The following RBFOX3 variants were observed in gnomAD, a reference collection of about 807,000 sequenced individuals.
RBFOX3 encodes the protein RNA binding fox-1 homolog 3, also known as RNA binding protein fox-1 homolog 3.
In RBFOX3, 17 loss-of-function variants were observed where a neutral mutation model predicts 48.7. The ratio of observed to expected loss-of-function variants is 0.35; its 90% CI spans 0.24 to 0.52. The LOEUF is 0.52. Ranked by LOEUF, RBFOX3 falls within the 20% of genes least tolerant of loss-of-function variation. The pLI is 0.94. For synonymous variants in RBFOX3, 212 were observed against 209.5 expected (o/e 1.01, Z -0.10); for missense variants, 382 against 497.5 (o/e 0.77, Z 2.21).
At chr17:79,586,189 C>T (rs1043398576) in intron 1 of RBFOX3, among the ~76,000 whole-genome samples, 16 of 152,220 alleles carry the variant, frequency 1.1e-4, no homozygotes, top group Non-Finnish European at 1.6e-4. Context: ...GTCCTAGACA[C>T]GAGGGTGCCC....
chr17:79,555,816 G>GGC (rs2091705701), intron 1 of RBFOX3, among the ~76,000 whole-genome samples: 3 of 3,798 alleles, frequency 7.9e-4, no homozygotes, highest in Non-Finnish European at 3.8e-3. Flanking sequence ...TGATGGTGAC[G>GGC]ATGATGATAG....
rs2071123300 is a variant in RBFOX3, at chr17:79,442,237, GAGAGAGAGAGAGAGAGAGAGA to G, written c.-175+40196_-175+40216del. 2.0e-3 allele frequency among the ~76,000 whole-genome samples: 15 copies of G among 7,412 alleles called. 1 individual carries two copies. Among genetic ancestry groups the G allele is most frequent in the African/African-American group, 3.6e-3 (6 of 1,668 alleles). The allele number at this position is 7,412 out of a possible 152,430, so 4.9% of individuals were successfully genotyped here. On this transcript the variant is annotated intron_variant, in intron 2 of 14. Transcript: ENST00000693108. ...GGGGAGAGAGAGAGAGAGAGAGAGA[GAGAGAGAGAGAGAGAGAGAGA>G]GAGAGAGAGAGAGAGAGAGAGAGGG...
chr17:79,190,300 A>G (rs2146438091), intron 4 of RBFOX3, among the ~76,000 whole-genome samples: 1 of 151,840 alleles, frequency 6.6e-6, no homozygotes, highest in South Asian at 2.1e-4. Context: ...AATCCTAGCT[A>G]CTCGGGAGGC....
At chr17:79,296,791 CCCT>C (rs1292492276) in intron 3 of RBFOX3, among the ~76,000 whole-genome samples, 10 of 119,210 alleles carry the variant, frequency 8.4e-5, no homozygotes, top group Non-Finnish European at 1.7e-4. Flanking sequence ...CTCCTCCTCT[CCCT>C]CCTCTTTTCC....
At chr17:79,296,307 A>C (rs1259076638) in intron 3 of RBFOX3, among the ~76,000 whole-genome samples, 34 of 81,106 alleles carry the variant, frequency 4.2e-4, no homozygotes, top group African/African-American at 1.5e-3. Flanking sequence ...CACACACACC[A>C]CACACACACA....
At chr17:79,627,672 G>A in the RBFOX3 span, among the ~76,000 whole-genome samples, 3 of 152,200 alleles carry the variant, frequency 2.0e-5, no homozygotes, top group Admixed American at 6.5e-5. Flanking sequence ...AGGGAGCAGC[G>A]GCGTAGGTGG....
chr17:79,383,168 A>G (rs2060148960), intron 2 of RBFOX3, among the ~76,000 whole-genome samples: 1 of 152,158 alleles, frequency 6.6e-6, no homozygotes. Flanking sequence ...AGAGGATGGG[A>G]AAAGGGGTGT....
rs1184995384 is a variant in RBFOX3, at chr17:79,421,988, G to A, written c.-175+60466C>T. On this transcript the variant is annotated intron_variant, in intron 2 of 14. Coordinates refer to ENST00000693108, the MANE Select transcript of RBFOX3 (RefSeq NM_001350451.2). The surrounding 1 kb of genome is among the most constrained non-coding windows in gnomAD (Gnocchi z 4.5). ...AGGTGCTGCCCGGACGAGATGAGGA[G>A]GGGGACTTGCCGGCTGCTGGCTTCC... Among the ~76,000 whole-genome samples, 3 of 152,138 alleles carry A rather than the reference G, an allele frequency of 2.0e-5. No individual in the cohort carries two copies. Among genetic ancestry groups the A allele is most frequent in the Admixed American group, 6.5e-5 (1 of 15,280 alleles).
At position 79,249,766 on chromosome 17, in the gene RBFOX3, C is replaced by A. The variant is rs1380870500; in HGVS notation, c.-73-13961G>T. Among the ~76,000 whole-genome samples, 1 of 152,174 alleles carries A rather than the reference C, an allele frequency of 6.6e-6. No individual in the cohort carries two copies. The highest frequency in any genetic ancestry group is 1.5e-5 in the Non-Finnish European group (1 of 68,040). On this transcript the variant is annotated intron_variant, in intron 3 of 14. Coordinates refer to ENST00000693108, the MANE Select transcript of RBFOX3 (RefSeq NM_001350451.2). The surrounding 1 kb of genome is among the most constrained non-coding windows in gnomAD (Gnocchi z 4.1). ...CCATTCCCTCTGCCTCCCGACCAAA[C>A]CTGGTACCTCCCTGTGTGTCCCTGA...
chr17:79,146,292 A>G (rs2043024087), intron 4 of RBFOX3, among the ~76,000 whole-genome samples: 1 of 152,152 alleles, frequency 6.6e-6, no homozygotes, highest in Admixed American at 6.5e-5. Flanking sequence ...TCCACCTCCT[A>G]CAGACGCCCA....
At chr17:79,165,007 A>C (rs909020665) in intron 4 of RBFOX3, among the ~76,000 whole-genome samples, 2 of 152,178 alleles carry the variant, frequency 1.3e-5, no homozygotes, top group East Asian at 3.9e-4. Context: ...CCACACGCTC[A>C]TCTTTCTAGA....
chr17:79,586,272 A>G (rs2093247227), intron 1 of RBFOX3, among the ~76,000 whole-genome samples: 1 of 152,172 alleles, frequency 6.6e-6, no homozygotes, highest in Non-Finnish European at 1.5e-5. Flanking sequence ...CGGACGTGTG[A>G]GCAAGCCTGA....
chr17:79,202,702 A>G (rs1034181725), intron 4 of RBFOX3, among the ~76,000 whole-genome samples: 29 of 152,106 alleles, frequency 1.9e-4, no homozygotes, highest in African/African-American at 6.8e-4. Context: ...GTCAGAGCGC[A>G]CAGCTGTGAT....
chr17:79,593,897 C>T (rs9675063), intron 1 of RBFOX3, among the ~76,000 whole-genome samples: 31,146 of 151,962 alleles, frequency 0.2, 3,651 homozygotes, highest in East Asian at 0.34. Context: ...AACCAAAACC[C>T]GCTGGCACTT....
chr17:79,318,854 C>CAAAAAAAAGAAAAAAAA lies in RBFOX3; in HGVS notation c.-174-11031_-174-11030insTTTTTTTTCTTTTTTTT. Among the ~76,000 whole-genome samples the CAAAAAAAAGAAAAAAAA allele has an allele frequency of 6.1e-5, 2 of 32,524 alleles. 1 individual carries two copies. The highest frequency in any genetic ancestry group is 1.0e-4 in the Non-Finnish European group (2 of 19,776). The allele number at this position is 32,524 out of a possible 152,430, so 21.3% of individuals were successfully genotyped here. On this transcript the variant is annotated intron_variant, in intron 2 of 14. Coordinates refer to ENST00000693108, the MANE Select transcript of RBFOX3 (RefSeq NM_001350451.2). ...TGGGTGACAGAGCGAGACTCCATCT[C>CAAAAAAAAGAAAAAAAA]AAAAAAAAAAAAAAAAAAAAAAAAA...
chr17:79,589,252 G>A (rs2093349424), intron 1 of RBFOX3, among the ~76,000 whole-genome samples: 3 of 152,064 alleles, frequency 2.0e-5, no homozygotes, highest in Admixed American at 6.5e-5. Context: ...TGTGGACTCC[G>A]CAGGTGGGCT....
intron 1 of RBFOX3, among the ~76,000 whole-genome samples, chr17:79,553,421 C>T (rs941538929): frequency 2.0e-4 from 31 of 152,080 alleles, no homozygotes; most frequent in Non-Finnish European, 1.3e-4. Flanking sequence ...TGAGACTGGC[C>T]TGTAGTTTTA....
chr17:79,485,249 G>T (rs898183060), intron 1 of RBFOX3, among the ~76,000 whole-genome samples: 1 of 152,110 alleles, frequency 6.6e-6, no homozygotes, highest in African/African-American at 2.4e-5. Flanking sequence ...CAGGGGAGGC[G>T]CCCACAGGAA....
intron 2 of RBFOX3, among the ~76,000 whole-genome samples, chr17:79,472,875 A>C (rs1043383273): frequency 1.3e-5 from 2 of 152,136 alleles, no homozygotes; most frequent in Non-Finnish European, 2.9e-5. Context: ...TCATTGGTTT[A>C]TTTCCAATTC....
Sources: allele counts gnomAD v4.1 joint callset (sites outside exome capture counted in the v4.1 genomes callset), GRCh38; gene constraint gnomAD v4.1.1; non-coding constraint Gnocchi (gnomAD v3.1); transcripts MANE v1.5; gene names NCBI Gene and HGNC (gene_info 2026-07-23, HGNC 2026-07-21).